The following RDH12 variants were observed in gnomAD, a reference collection of about 807,000 sequenced individuals.
RDH12 encodes the protein all-trans and 9-cis retinol dehydrogenase.
A neutral mutation model predicts 34.0 loss-of-function variants in RDH12; 21 were observed. That is an observed-to-expected ratio of 0.62 (90% CI 0.44 to 0.89). The LOEUF (loss-of-function observed/expected upper bound fraction) is 0.89, where lower values mean the gene tolerates loss of function less well. Among genes scored for constraint, RDH12 ranks in the 40% least tolerant of loss-of-function variants. RDH12 has a pLI of 0.00. For missense variants in RDH12, 394 were observed against 398.6 expected (o/e 0.99, Z 0.10); for synonymous variants, 198 against 169.9 (o/e 1.17, Z -1.29).
chr14:67,702,846 C>G (rs1215026212), intron 1 of RDH12, among the ~76,000 whole-genome samples: 1 of 152,182 alleles, frequency 6.6e-6, no homozygotes. Flanking sequence ...CAGGGCCTCA[C>G]TCTGTTGCCC....
intron 5 of RDH12, 111 bp downstream of exon 5, chr14:67,725,365 C>A (rs1287564563): frequency 4.5e-6 from 5 of 1,109,216 alleles, no homozygotes; most frequent in Admixed American, 2.0e-5. Context: ...CCCCACTAGA[C>A]AGGTTCTGCC....
chr14:67,718,159 G>T (rs1055326483), intron 1 of RDH12, among the ~76,000 whole-genome samples: 1 of 152,192 alleles, frequency 6.6e-6, no homozygotes, highest in Non-Finnish European at 1.5e-5. Context: ...AGTTCCTCAT[G>T]GCTGGAAAAG....
At chr14:67,730,633 C>G (rs7143223) in intron 8 of RDH12, among the ~76,000 whole-genome samples, 9,788 of 152,030 alleles carry the variant, frequency 0.064, 996 homozygotes, top group African/African-American at 0.22. Flanking sequence ...GATGGATTTT[C>G]ACTCTTGTCA....
rs751764025 is a variant in RDH12, at chr14:67,725,069, C to T, written c.188-30C>T. On this transcript the variant is annotated intron_variant, in intron 4 of 8. Coordinates refer to ENST00000551171, the MANE Select transcript of RDH12 (RefSeq NM_152443.3). ...CCTCCTTTATAGCCTAGGATATGAA[C>T]ATACTGCTCTTTTTTTGTCTTGGAC... The T allele has an allele frequency of 6.2e-6, 10 of 1,613,604 alleles. No individual in the cohort carries two copies. The Admixed American group carries it at 1.2e-4, about 19-fold the overall frequency.
intron 2 of RDH12, among the ~76,000 whole-genome samples, chr14:67,721,163 C>T (rs1012987492): frequency 6.6e-6 from 1 of 152,180 alleles, no homozygotes; most frequent in African/African-American, 2.4e-5. Context: ...CTGGAGGCTC[C>T]TCTGGCTTCA....
intron 8 of RDH12, among the ~76,000 whole-genome samples, chr14:67,731,666 A>G (rs2038277805): frequency 6.6e-6 from 1 of 152,152 alleles, no homozygotes; most frequent in Admixed American, 6.5e-5. Flanking sequence ...ATAATGTTGT[A>G]AGGAAAAAAC....
At chr14:67,719,104 C>T (rs2038096996) in intron 1 of RDH12, among the ~76,000 whole-genome samples, 1 of 152,194 alleles carries the variant, frequency 6.6e-6, no homozygotes, top group South Asian at 2.1e-4. Flanking sequence ...GGGGACTCCT[C>T]ATATCGGAGT....
chr14:67,717,448 C>G (rs901575283), intron 1 of RDH12, among the ~76,000 whole-genome samples: 2 of 152,228 alleles, frequency 1.3e-5, no homozygotes, highest in Admixed American at 6.5e-5. Context: ...ATATTAATAA[C>G]TTGCTGTGGA....
At chr14:67,728,579 T>C (rs2038220652) in intron 7 of RDH12, among the ~76,000 whole-genome samples, 1 of 152,076 alleles carries the variant, frequency 6.6e-6, no homozygotes, top group Non-Finnish European at 1.5e-5. Flanking sequence ...ATGGGTATCA[T>C]AACATAATAT....
Position 67,731,561 on chromosome 14 carries a change from G to A in RDH12, c.848+2181G>A, listed in dbSNP as rs979930625. ...ACAGTTGCTACTCTAGAGTCTGAGT[G>A]TTTAACATTGCTGCCTTAAATATGT... On this transcript the variant is annotated intron_variant, in intron 8 of 8. Transcript: ENST00000551171. Among the ~76,000 whole-genome samples, 5 of 151,772 alleles carry A rather than the reference G, an allele frequency of 3.3e-5. No individual in the cohort carries two copies. In the South Asian group the frequency reaches 1.0e-3, roughly 31 times the overall value.
intron 8 of RDH12, among the ~76,000 whole-genome samples, chr14:67,731,207 CTTTTTTTTT>C (rs71129853): frequency 3.5e-4 from 32 of 90,610 alleles, no homozygotes; most frequent in African/African-American, 1.4e-3. Flanking sequence ...TTCTTTCTTT[CTTTTTTTTT>C]TTTTTTTTTT....
Position 67,725,145 on chromosome 14 carries a change from T to G in RDH12, c.234T>G (p.Ser78=). 6.2e-7 allele frequency: 1 copy of G among 1,614,200 alleles called. No individual in the cohort carries two copies. Among genetic ancestry groups the G allele is most frequent in the Non-Finnish European group, 8.5e-7 (1 of 1,180,034 alleles). The change falls in exon 5 of 9, where the codon TCT becomes TCG. Residue 78 remains serine (S), a synonymous_variant. Transcript: ENST00000551171. ...GCAGAGATGTACTGAAGGGGGAGTC[T>G]GCTGCCAGTGAAATCCGAGTGGATA... ...IACRDVLKGE[S]AASEIRVDTK...
chr14:67,720,200 T>A (rs1437282009), intron 1 of RDH12, among the ~76,000 whole-genome samples: 2 of 152,212 alleles, frequency 1.3e-5, no homozygotes, highest in African/African-American at 4.8e-5. Flanking sequence ...CACTTGTATT[T>A]CCTTTTTTGT....
chr14:67,726,572 C>T (rs1224402526), intron 6 of RDH12, among the ~76,000 whole-genome samples: 1 of 152,102 alleles, frequency 6.6e-6, no homozygotes. Context: ...GGGTGGGGTT[C>T]AGCGTTCAAG....
At chr14:67,707,385 G>A (rs72723152) in intron 1 of RDH12, among the ~76,000 whole-genome samples, 20,319 of 152,004 alleles carry the variant, frequency 0.13, 1,389 homozygotes, top group East Asian at 0.21. Flanking sequence ...GGACTTGTTT[G>A]CTTTATTATA....
intron 1 of RDH12, among the ~76,000 whole-genome samples, chr14:67,710,600 A>G (rs566704924): frequency 4.6e-5 from 7 of 152,042 alleles, no homozygotes; most frequent in Non-Finnish European, 7.4e-5. Context: ...TACAAAAAAA[A>G]TCTTTATTTT....
At chr14:67,713,060 A>G (rs2038027787) in intron 1 of RDH12, among the ~76,000 whole-genome samples, 1 of 152,144 alleles carries the variant, frequency 6.6e-6, no homozygotes, top group Non-Finnish European at 1.5e-5. Flanking sequence ...AAAGACTGAA[A>G]CAACAATAAA....
intron 3 of RDH12, 59 bp downstream of exon 3, chr14:67,722,769 T>C: frequency 7.3e-7 from 1 of 1,365,416 alleles, no homozygotes; most frequent in Non-Finnish European, 1.0e-6. Context: ...TGGAAGCCGG[T>C]TCTCAGCTGC....
At chr14:67,730,754 C>T (rs538768881) in intron 8 of RDH12, among the ~76,000 whole-genome samples, 41 of 152,226 alleles carry the variant, frequency 2.7e-4, no homozygotes, top group African/African-American at 9.4e-4. Flanking sequence ...CAGGTGCCCG[C>T]CACCACACCT....
Sources: allele counts gnomAD v4.1 joint callset (sites outside exome capture counted in the v4.1 genomes callset), GRCh38; gene constraint gnomAD v4.1.1; transcripts MANE v1.5; gene names NCBI Gene and HGNC (gene_info 2026-07-23, HGNC 2026-07-21).